The following IQGAP1 variants were observed in gnomAD, a reference collection of about 807,000 sequenced individuals.
IQGAP1 encodes the protein IQ motif containing GTPase activating protein 1.
Under a neutral mutation model 215.6 loss-of-function variants are expected in IQGAP1, and 66 were observed. That is an observed-to-expected ratio of 0.31 (90% CI 0.25 to 0.38). The LOEUF is 0.38. Ranked by LOEUF, IQGAP1 falls within the 10% of genes least tolerant of loss-of-function variation. The probability of loss-of-function intolerance (pLI) is 1.00; values close to 1 mark genes in which losing one functional copy is unlikely to be tolerated. For missense variants in IQGAP1, 1,712 were observed against 1,997.1 expected, an observed-to-expected ratio of 0.86 and a Z score of 2.72; for synonymous variants, 772 against 728.7, an observed-to-expected ratio of 1.06 and a Z score of -0.96.
chr15:90,398,257 C>G (rs1183241622), intron 2 of IQGAP1, among the ~76,000 whole-genome samples: 1 of 152,100 alleles, frequency 6.6e-6, no homozygotes, highest in Non-Finnish European at 1.5e-5. Flanking sequence ...ATTTTCTGGG[C>G]ACTTTCAAGG....
chr15:90,458,289 C>T (rs962320452), intron 15 of IQGAP1, among the ~76,000 whole-genome samples: 1 of 152,124 alleles, frequency 6.6e-6, no homozygotes, highest in Non-Finnish European at 1.5e-5. Context: ...TGGATTATTT[C>T]CACTTTACCA....
rs181337586 is a variant in IQGAP1 at position 90,482,565 on chromosome 15, C to G, written c.3555+284C>G. On this transcript the variant is annotated intron_variant, in intron 28 of 37. Coordinates refer to ENST00000268182, the MANE Select transcript of IQGAP1 (RefSeq NM_003870.4). ...TCTTTTCGCTGTAGTATTGTTCCCT[C>G]TGCTGGTGACCTGGCGAATAGTAGC... The G allele has an allele frequency of 8.2e-5, 35 of 424,416 alleles. No homozygotes were observed. The East Asian group carries it at 1.8e-3, about 21-fold the overall frequency. 26.3% of individuals were successfully genotyped at this position (424,416 alleles called of 1,614,324 possible).
intron 2 of IQGAP1, among the ~76,000 whole-genome samples, chr15:90,394,233 C>T (rs76623813): frequency 0.06 from 8,775 of 145,250 alleles, 371 homozygotes; most frequent in Middle Eastern, 0.15. Context: ...TGGCATATTA[C>T]CCTAGCACAC....
chr15:90,410,417 C>T (rs1377362259), intron 2 of IQGAP1, among the ~76,000 whole-genome samples: 4 of 152,134 alleles, frequency 2.6e-5, no homozygotes, highest in Admixed American at 2.6e-4. Flanking sequence ...TTCATGATAG[C>T]AAACACTTGG....
At chr15:90,451,909 A>G (rs1331069278) in intron 11 of IQGAP1, among the ~76,000 whole-genome samples, 2 of 151,010 alleles carry the variant, frequency 1.3e-5, no homozygotes, top group Non-Finnish European at 2.9e-5. Flanking sequence ...AGCTCACTGC[A>G]ACCTCTGACT....
At chr15:90,445,730 T>A (rs747669708) in intron 9 of IQGAP1, among the ~76,000 whole-genome samples, 21 of 152,218 alleles carry the variant, frequency 1.4e-4, no homozygotes, top group Non-Finnish European at 2.2e-4. Flanking sequence ...TCATTGTTCA[T>A]TTGGAGGGCC....
At chr15:90,480,033 T>A (rs1307137623) in intron 26 of IQGAP1, among the ~76,000 whole-genome samples, 1 of 151,928 alleles carries the variant, frequency 6.6e-6, no homozygotes, top group Non-Finnish European at 1.5e-5. Context: ...CCGCTGGACA[T>A]TTCAGGATTG....
intron 9 of IQGAP1, among the ~76,000 whole-genome samples, chr15:90,445,648 T>C (rs1965516819): frequency 6.6e-6 from 1 of 152,198 alleles, no homozygotes; most frequent in Non-Finnish European, 1.5e-5. Context: ...AAAGGTTTGA[T>C]TTCAACCAAC....
chr15:90,465,305 T>A (rs1011516149), intron 15 of IQGAP1, among the ~76,000 whole-genome samples: 1 of 152,194 alleles, frequency 6.6e-6, no homozygotes, highest in African/African-American at 2.4e-5. Flanking sequence ...CTCTGAACAT[T>A]GTTGGCAAAG....
intron 2 of IQGAP1, among the ~76,000 whole-genome samples, chr15:90,422,163 T>C (rs887477498): frequency 2.6e-5 from 4 of 152,168 alleles, no homozygotes; most frequent in Admixed American, 2.0e-4. Flanking sequence ...TCAGGTGATA[T>C]AGTGAGAGCA....
chr15:90,440,459 G>C, intron 6 of IQGAP1, 43 bp from the exon 7 acceptor site: 1 of 1,332,494 alleles, frequency 7.5e-7, no homozygotes, highest in Non-Finnish European at 1.1e-6. Context: ...GGTTATGGAA[G>C]GGTGCTTAGC....
At chr15:90,499,581 T>G (rs957969917) in intron 37 of IQGAP1, among the ~76,000 whole-genome samples, 1 of 152,254 alleles carries the variant, frequency 6.6e-6, no homozygotes, top group African/African-American at 2.4e-5. Flanking sequence ...ATCATAGGTT[T>G]AAATGCTTCA....
At chr15:90,445,479 C>G (rs978722211) in intron 9 of IQGAP1, among the ~76,000 whole-genome samples, 1 of 152,124 alleles carries the variant, frequency 6.6e-6, no homozygotes, top group Non-Finnish European at 1.5e-5. Flanking sequence ...CGTACACAGG[C>G]TCATCCCTAT....
intron 2 of IQGAP1, among the ~76,000 whole-genome samples, chr15:90,413,230 A>C (rs1474151457): frequency 6.6e-6 from 1 of 152,134 alleles, no homozygotes; most frequent in East Asian, 1.9e-4. Context: ...CCCCACACTC[A>C]TGTGTACATA....
In IQGAP1 at chr15:90,453,194, C is replaced by G; in HGVS notation, c.1389C>G (p.Ile463Met). Residue 463 changes from isoleucine (I) to methionine (M), a missense_variant, in exon 13 of 38, where the codon ATC becomes ATG. Ile to Met is a conservative substitution (Grantham distance 10). This residue lies in a region of IQGAP1 where 1,021 missense variants were observed against 1,074.2 expected (regional missense o/e 0.95). Transcript: ENST00000268182. The stretch of plus-strand genomic sequence containing the variant: ...AGATGTTGTCATCGGTGGCCCTGAT[C>G]AACAGGGCATTGGAATCAGGAGATG... ...AVEMLSSVAL[I>M]NRALESGDVN... is the part of the protein sequence containing the mutation. 6.2e-7 allele frequency: 1 copy of G among 1,613,510 alleles called. No homozygotes were observed. Among genetic ancestry groups the G allele is most frequent in the Non-Finnish European group, 8.5e-7 (1 of 1,179,506 alleles).
chr15:90,466,611 C>G lies in IQGAP1; in HGVS notation c.2035+175C>G, dbSNP rs187879844. 8.6e-5 allele frequency among the ~76,000 whole-genome samples: 13 copies of G among 150,872 alleles called. No homozygotes were observed. In the East Asian group the frequency reaches 2.0e-3, roughly 23 times the overall value. The stretch of plus-strand genomic sequence containing the variant: ...ATTTTTGAAAATATCCTTCCCCCCC[C>G]CCTTGTGGACAGCTGTGTTAATAAG... On this transcript the variant is annotated intron_variant, in intron 17 of 37. Transcript: ENST00000268182.
chr15:90,460,999 TAAAAAA>T (rs36022965), intron 15 of IQGAP1, among the ~76,000 whole-genome samples: 4 of 88,748 alleles, frequency 4.5e-5, no homozygotes, highest in South Asian at 4.3e-4. Context: ...ACCCTGTCTT[TAAAAAA>T]AAAAAAAAAA....
chr15:90,431,709 GA>G (rs1034247230), intron 4 of IQGAP1, among the ~76,000 whole-genome samples: 2 of 152,136 alleles, frequency 1.3e-5, no homozygotes, highest in Admixed American at 1.3e-4. Flanking sequence ...GAAGACTTCT[GA>G]GTAATAAGAA....
In IQGAP1 at chr15:90,439,471, T is replaced by G; in HGVS notation, c.535+72T>G. 2.4e-6 allele frequency: 3 copies of G among 1,246,220 alleles called. 1 individual carries two copies. The South Asian group carries it at 3.7e-5, about 15-fold the overall frequency. The allele number at this position is 1,246,220 out of a possible 1,614,324, so 77.2% of individuals were successfully genotyped here. A position where few individuals can be genotyped will look rare whatever the true frequency, so the allele number is the denominator to read the frequency against. On this transcript the variant is annotated intron_variant, in intron 6 of 37. Transcript: ENST00000268182. ...TAGCCTGGAGAGCCAGCAGTACCAA[T>G]TTTGAAGACCTAGGGCTTTAAAAAT...
Sources: allele counts gnomAD v4.1 joint callset (sites outside exome capture counted in the v4.1 genomes callset), GRCh38; gene constraint gnomAD v4.1.1; regional missense constraint gnomAD v4.1.1; transcripts MANE v1.5; gene names NCBI Gene and HGNC (gene_info 2026-07-23, HGNC 2026-07-21).